Variants in NBEAL1 observed in about 807,000 individuals in gnomAD.
The protein encoded by NBEAL1 is neurobeachin-like protein 1.
Under a neutral mutation model 351.3 loss-of-function variants are expected in NBEAL1, and 273 were observed. The observed-to-expected ratio is 0.78, with a 90% confidence interval of 0.70 to 0.86. NBEAL1 has a LOEUF of 0.86. Among genes scored for constraint, NBEAL1 ranks in the 40% least tolerant of loss-of-function variants. The pLI, the probability that NBEAL1 is intolerant of heterozygous loss-of-function variation, is 0.00. For synonymous variants in NBEAL1, 1,050 were observed against 1,086.4 expected, an observed-to-expected ratio of 0.97 and a Z score of 0.66; for missense variants, 2,961 against 3,201.3, an observed-to-expected ratio of 0.92 and a Z score of 1.81.
intron 6 of NBEAL1, among the ~76,000 whole-genome samples, chr2:203,063,488 A>G (rs2061533217): frequency 6.6e-6 from 1 of 150,448 alleles, no homozygotes; most frequent in Non-Finnish European, 1.5e-5. Context: ...AAAGGAGAGG[A>G]GAGGAGAAAG....
intron 36 of NBEAL1, among the ~76,000 whole-genome samples, chr2:203,158,851 G>A (rs1167194816): frequency 1.1e-4 from 13 of 114,786 alleles, no homozygotes; most frequent in African/African-American, 2.0e-4. Context: ...ACAGGATCTC[G>A]CTGTGTCACC....
intron 19 of NBEAL1, among the ~76,000 whole-genome samples, chr2:203,123,577 G>A (rs932537236): frequency 1.6e-4 from 25 of 151,862 alleles, no homozygotes; most frequent in African/African-American, 3.4e-4. Flanking sequence ...CAGTTGATCC[G>A]CCCACCTTGG....
intron 2 of NBEAL1, among the ~76,000 whole-genome samples, chr2:203,022,355 G>A (rs1197217527): frequency 6.6e-6 from 1 of 151,432 alleles, no homozygotes; most frequent in Admixed American, 6.6e-5. Flanking sequence ...GAAAACCATG[G>A]TTCATTTTTG....
chr2:203,136,358 C>T (rs1246526415), intron 28 of NBEAL1, 106 bp downstream of exon 28: 3 of 920,380 alleles, frequency 3.3e-6, no homozygotes, highest in Admixed American at 3.1e-5. Context: ...ATATTGTATT[C>T]ATGTTCTAAG....
chr2:203,208,588 CAG>C, intron 51 of NBEAL1, 47 bp from the exon 52 acceptor site: 10 of 1,343,922 alleles, frequency 7.4e-6, no homozygotes, highest in Non-Finnish European at 1.1e-5. Context: ...TTGTGAAAAA[CAG>C]GAAACAAGAA....
chr2:203,050,964 A>G (rs570174828), intron 4 of NBEAL1, among the ~76,000 whole-genome samples: 1 of 152,318 alleles, frequency 6.6e-6, no homozygotes, highest in South Asian at 2.1e-4. Flanking sequence ...GCTACATTCT[A>G]TAGCTTTAAA....
chr2:203,132,609 ATCC>A (rs2063099621), intron 26 of NBEAL1, among the ~76,000 whole-genome samples: 1 of 152,078 alleles, frequency 6.6e-6, no homozygotes, highest in African/African-American at 2.4e-5. Flanking sequence ...GATGCAAGGG[ATCC>A]TCCTACCTCA....
In NBEAL1 at chr2:203,025,787, C is replaced by G. The variant is rs1219132077; in HGVS notation, c.51+9352C>G. ...CAGTTGGGCAAATATTGCCTGGTTT[C>G]TCTATCCTCAGGGAAGAAATGTTCC... is the stretch of plus-strand genomic sequence containing the variant. On this transcript the variant is annotated intron_variant, in intron 2 of 55. Coordinates refer to ENST00000683969, the MANE Select transcript of NBEAL1 (RefSeq NM_001378026.1). Among the ~76,000 whole-genome samples, 3 of 152,172 alleles carry G rather than the reference C, an allele frequency of 2.0e-5. No individual in the cohort carries two copies. The East Asian group carries it at 5.8e-4, about 29-fold the overall frequency.
chr2:203,089,456 A>G (rs1210930648), intron 10 of NBEAL1, among the ~76,000 whole-genome samples: 1 of 152,216 alleles, frequency 6.6e-6, no homozygotes, highest in Non-Finnish European at 1.5e-5. Flanking sequence ...TCAATACAAA[A>G]AAGAAACTTG....
chr2:203,016,405 C>G lies in NBEAL1; in HGVS notation c.21C>G (p.Leu7=), dbSNP rs1307801599. The change falls in exon 2 of 56, where the codon CTC becomes CTG. Residue 7 remains leucine (L), a synonymous_variant. Transcript: ENST00000683969. Reference sequence around the variant, plus strand: ...CCAGAATGGCATCCAGAGAGAGGCTCTTTGAACTTTGGATGCTTTATTGTA... The same window carrying G: ...CCAGAATGGCATCCAGAGAGAGGCTGTTTGAACTTTGGATGCTTTATTGTA... The part of the protein sequence containing the change: MASRER[L]FELWMLYCTK... The G allele has an allele frequency of 6.7e-7, 1 of 1,494,724 alleles. No homozygotes were observed. Among genetic ancestry groups the G allele is most frequent in the East Asian group, 2.5e-5 (1 of 39,960 alleles). 92.6% of individuals were successfully genotyped at this position (1,494,724 alleles called of 1,614,324 possible). A position where few individuals can be genotyped will look rare whatever the true frequency, so the allele number is the denominator to read the frequency against.
chr2:203,165,899 T>C (rs1049466162), intron 36 of NBEAL1, among the ~76,000 whole-genome samples: 1 of 152,038 alleles, frequency 6.6e-6, no homozygotes, highest in African/African-American at 2.4e-5. Context: ...AAAAATTAGC[T>C]GGGCATGGTG....
intron 2 of NBEAL1, 116 bp from the exon 3 acceptor site, chr2:203,041,649 A>G (rs2106045777): frequency 2.9e-6 from 2 of 684,320 alleles, no homozygotes; most frequent in Non-Finnish European, 2.5e-6. Flanking sequence ...TGTACTCCTA[A>G]ATATCACTTG....
chr2:203,153,376 A>G (rs2063714362), intron 35 of NBEAL1, among the ~76,000 whole-genome samples: 1 of 151,054 alleles, frequency 6.6e-6, no homozygotes, highest in African/African-American at 2.4e-5. Flanking sequence ...CCTAGGCTCA[A>G]GTGGCAGTCC....
At chr2:203,040,405 A>C in intron 2 of NBEAL1, 3 of 712,980 alleles carry the variant, frequency 4.2e-6, no homozygotes, top group East Asian at 2.5e-5. Flanking sequence ...TAATGGCATG[A>C]GTTTACCGGT....
intron 2 of NBEAL1, among the ~76,000 whole-genome samples, chr2:203,019,482 G>A (rs542873765): frequency 2.8e-4 from 42 of 152,260 alleles, no homozygotes; most frequent in African/African-American, 1.0e-3. Flanking sequence ...TAAAGTGTCT[G>A]CTGTTTTGTT....
intron 2 of NBEAL1, among the ~76,000 whole-genome samples, chr2:203,033,565 A>G (rs1273016923): frequency 1.3e-5 from 2 of 152,218 alleles, no homozygotes; most frequent in Non-Finnish European, 2.9e-5. Context: ...TAATGGTGTT[A>G]TTATGAGGAA....
intron 45 of NBEAL1, 34 bp from the exon 46 acceptor site, chr2:203,190,258 C>A: frequency 6.8e-7 from 1 of 1,479,848 alleles, no homozygotes; most frequent in Non-Finnish European, 9.3e-7. Context: ...GATTTGTTTT[C>A]ACTCTATAGT....
chr2:203,186,948 C>A (rs1347025611), intron 44 of NBEAL1, among the ~76,000 whole-genome samples: 3 of 152,212 alleles, frequency 2.0e-5, no homozygotes, highest in Non-Finnish European at 4.4e-5. Flanking sequence ...TTAAATCTTT[C>A]TGAGGTCTCA....
At chr2:203,022,644 A>G (rs939887648) in intron 2 of NBEAL1, among the ~76,000 whole-genome samples, 2 of 152,190 alleles carry the variant, frequency 1.3e-5, no homozygotes, top group African/African-American at 2.4e-5. Context: ...TGTAATCTTT[A>G]TAAGTATTTT....
Sources: allele counts gnomAD v4.1 joint callset (sites outside exome capture counted in the v4.1 genomes callset), GRCh38; gene constraint gnomAD v4.1.1; transcripts MANE v1.5; gene names NCBI Gene and HGNC (gene_info 2026-07-23, HGNC 2026-07-21).